Variants in INPP5D observed in about 807,000 individuals in gnomAD.
INPP5D encodes the protein phosphatidylinositol 3,4,5-trisphosphate 5-phosphatase 1.
A neutral mutation model predicts 122.9 loss-of-function variants in INPP5D; 33 were observed. The observed-to-expected ratio is 0.27, with a 90% CI of 0.20 to 0.36. INPP5D has a LOEUF of 0.36. Ranked by LOEUF, INPP5D falls within the 10% of genes least tolerant of loss-of-function variation. The pLI is 1.00. For missense variants in INPP5D, 1,053 were observed against 1,412.7 expected, an observed-to-expected ratio of 0.75 and a Z score of 4.08; for synonymous variants, 584 against 576.2, an observed-to-expected ratio of 1.01 and a Z score of -0.19.
chr2:233,109,457 G>T (rs764509828), intron 2 of INPP5D, among the ~76,000 whole-genome samples: 1 of 152,200 alleles, frequency 6.6e-6, no homozygotes, highest in Non-Finnish European at 1.5e-5. Flanking sequence ...TTTGGGCATC[G>T]TAGGTGTTTC....
chr2:233,116,368 C>T (rs1353653113), intron 2 of INPP5D, among the ~76,000 whole-genome samples: 4 of 148,058 alleles, frequency 2.7e-5, no homozygotes, highest in Non-Finnish European at 6.0e-5. Context: ...TGGCTCACTG[C>T]AACCTCCACC....
At chr2:233,132,911 C>T (rs1212409098) in intron 5 of INPP5D, among the ~76,000 whole-genome samples, 1 of 122,976 alleles carries the variant, frequency 8.1e-6, no homozygotes, top group Non-Finnish European at 1.7e-5. Context: ...TTTTTTGAGA[C>T]AGGATCTCGC....
chr2:233,092,793 C>T (rs1463628871), intron 2 of INPP5D, among the ~76,000 whole-genome samples: 1 of 152,162 alleles, frequency 6.6e-6, no homozygotes, highest in Non-Finnish European at 1.5e-5. Flanking sequence ...TCCCTTCTTC[C>T]ATCTTGAGAC....
rs147588862 is a variant in INPP5D at position 233,172,704 on chromosome 2, C to T, written c.1989+1552C>T. On this transcript the variant is annotated intron_variant, in intron 17 of 26. Coordinates refer to ENST00000445964, the MANE Select transcript of INPP5D (RefSeq NM_001017915.3). ...GTCGCTTAACAACGGGGATATGTTC[C>T]GAGAAGCGTGTCATTAGGTGACTTC... 3.4e-3 allele frequency among the ~76,000 whole-genome samples: 520 copies of T among 152,250 alleles called. 2 individuals are homozygous for T. Among genetic ancestry groups the T allele is most frequent in the African/African-American group, 0.012 (494 of 41,530 alleles).
intron 1 of INPP5D, among the ~76,000 whole-genome samples, chr2:233,071,044 C>T (rs772173146): frequency 1.9e-4 from 29 of 151,978 alleles, no homozygotes; most frequent in Admixed American, 1.6e-3. Flanking sequence ...GAGGCCGAGG[C>T]GGCCGGATCA....
intron 11 of INPP5D, 30 bp from the exon 12 acceptor site, chr2:233,163,677 C>T: frequency 6.2e-7 from 1 of 1,612,778 alleles, no homozygotes; most frequent in Non-Finnish European, 8.5e-7. Context: ...GTGCCTTTGA[C>T]TCACTTGGTG....
At chr2:233,103,536 T>C (rs528767933) in intron 2 of INPP5D, among the ~76,000 whole-genome samples, 6 of 151,890 alleles carry the variant, frequency 4.0e-5, no homozygotes, top group Non-Finnish European at 7.4e-5. Context: ...AGAACGGCAA[T>C]CTTTCAGAGT....
At chr2:233,145,186 G>A (rs1244230328) in intron 6 of INPP5D, 1 of 455,732 alleles carries the variant, frequency 2.2e-6, no homozygotes, top group East Asian at 6.9e-5. Flanking sequence ...CTTTGTAAAT[G>A]TTTCTTCTGT....
chr2:233,195,792 C>A (rs990590269), intron 24 of INPP5D, among the ~76,000 whole-genome samples: 1 of 152,164 alleles, frequency 6.6e-6, no homozygotes, highest in Non-Finnish European at 1.5e-5. Context: ...CATGGTAAAA[C>A]CCCATCTCTA....
intron 10 of INPP5D, among the ~76,000 whole-genome samples, chr2:233,158,637 A>T (rs1394509663): frequency 6.6e-6 from 1 of 152,080 alleles, no homozygotes. Flanking sequence ...GAGGCTTCCC[A>T]CTTTGCCCAG....
At chr2:233,133,059 A>G (rs1409424856) in intron 5 of INPP5D, among the ~76,000 whole-genome samples, 1 of 151,684 alleles carries the variant, frequency 6.6e-6, no homozygotes, top group African/African-American at 2.4e-5. Context: ...AGTCCAATGG[A>G]GAAGCTGGGA....
At chr2:233,138,237 C>G (rs1243675068) in intron 5 of INPP5D, among the ~76,000 whole-genome samples, 12 of 148,066 alleles carry the variant, frequency 8.1e-5, no homozygotes, top group Non-Finnish European at 5.9e-5. Context: ...GTAATCCCAG[C>G]TACTCAGGAG....
rs181574266 is a variant in INPP5D at position 233,110,388 on chromosome 2, C to G, written c.199-11719C>G. Among the ~76,000 whole-genome samples the G allele has an allele frequency of 2.0e-5, 3 of 151,528 alleles. No individual in the cohort carries two copies. The East Asian group carries it at 5.8e-4, about 29-fold the overall frequency. On this transcript the variant is annotated intron_variant, in intron 2 of 26. Transcript: ENST00000445964. ...TATTTTTATTTTTTTTTAATAGAGA[C>G]GAGTTCTCATTATGTTGCCCAGGCT...
intron 2 of INPP5D, among the ~76,000 whole-genome samples, chr2:233,093,620 C>T (rs1692046101): frequency 6.7e-6 from 1 of 148,310 alleles, no homozygotes; most frequent in Non-Finnish European, 1.5e-5. Flanking sequence ...GCTGAGGTTG[C>T]AGTGAGCTGA....
At chr2:233,155,184 G>T (rs892203314) in intron 9 of INPP5D, among the ~76,000 whole-genome samples, 11 of 152,052 alleles carry the variant, frequency 7.2e-5, no homozygotes, top group Admixed American at 5.9e-4. Flanking sequence ...CAACTCTGGG[G>T]CAATAAAAAA....
intron 18 of INPP5D, among the ~76,000 whole-genome samples, chr2:233,181,266 T>A (rs939012329): frequency 6.6e-6 from 1 of 152,226 alleles, no homozygotes; most frequent in Admixed American, 6.5e-5. Flanking sequence ...CCATATCCTT[T>A]GGTTGGTTGA....
At chr2:233,162,292 T>C (rs895280341) in intron 11 of INPP5D, among the ~76,000 whole-genome samples, 2 of 152,110 alleles carry the variant, frequency 1.3e-5, no homozygotes, top group African/African-American at 4.8e-5. Flanking sequence ...AATTTTAACT[T>C]CATAGAAACA....
intron 5 of INPP5D, among the ~76,000 whole-genome samples, chr2:233,133,273 G>A (rs1174809444): frequency 6.6e-6 from 1 of 152,154 alleles, no homozygotes; most frequent in Non-Finnish European, 1.5e-5. Flanking sequence ...GATAAAACAC[G>A]ATGATGTGAG....
chr2:233,200,846 C>A (rs1695311350), intron 25 of INPP5D, among the ~76,000 whole-genome samples: 4 of 151,998 alleles, frequency 2.6e-5, no homozygotes. Flanking sequence ...GTAATCCCAG[C>A]TACTCAGGAG....
Sources: gnomAD v4.1 joint callset for allele counts (sites outside exome capture counted in the v4.1 genomes callset) on GRCh38, gnomAD v4.1.1 for gene constraint, MANE v1.5 for transcripts, NCBI Gene and HGNC (gene_info 2026-07-23, HGNC 2026-07-21) for gene names.